Variants in PRDM15 observed in about 807,000 individuals in gnomAD.
PRDM15 encodes the protein PR/SET domain 15.
Under a neutral mutation model 128.6 loss-of-function variants are expected in PRDM15, and 64 were observed. The observed-to-expected ratio is 0.50, with a 90% CI of 0.41 to 0.61. The LOEUF (loss-of-function observed/expected upper bound fraction) is 0.61, where lower values mean the gene tolerates loss of function less well. Ranked by LOEUF, PRDM15 falls within the 20% of genes least tolerant of loss-of-function variation. The probability of loss-of-function intolerance (pLI) is 0.00; values close to 1 mark genes in which losing one functional copy is unlikely to be tolerated. For missense variants in PRDM15, 1,242 were observed against 1,569.1 expected (o/e 0.79, Z 3.52); for synonymous variants, 615 against 621.8 (o/e 0.99, Z 0.16).
rs1413693879 is a variant in PRDM15, at chr21:41,802,886, T to C, written c.2769A>G (p.Glu923=). The C allele has an allele frequency of 6.2e-7, 1 of 1,614,134 alleles. No individual in the cohort carries two copies. Among genetic ancestry groups the C allele is most frequent in the African/African-American group, 1.3e-5 (1 of 75,062 alleles). ...GCTTGGCAGCTTTCCCGTGCTTCCCTTCGGCCAAATCCTCCTGCTCCAGAG... is the reference window on the plus strand; with the variant it reads ...GCTTGGCAGCTTTCCCGTGCTTCCCCTCGGCCAAATCCTCCTGCTCCAGAG... ...ELTLEQEDLA[E]GKHGKAAKRS... Residue 923 remains glutamate (E), a synonymous_variant, in exon 23 of 24, where the codon GAA becomes GAG. Coordinates refer to ENST00000398548, the MANE Select transcript of PRDM15 (RefSeq NM_001040424.3).
intron 5 of PRDM15, among the ~76,000 whole-genome samples, chr21:41,852,995 C>T (rs1358201589): frequency 1.3e-5 from 2 of 152,228 alleles, no homozygotes; most frequent in Non-Finnish European, 2.9e-5. Context: ...CCAAGGGACA[C>T]AAAAGGCTAC....
chr21:41,815,570 C>G, intron 19 of PRDM15, 135 bp downstream of exon 19: 1 of 1,251,584 alleles, frequency 8.0e-7, no homozygotes, highest in Non-Finnish European at 1.1e-6. Context: ...CCAGGAAGCT[C>G]TCTTGGGGAA....
In PRDM15 at chr21:41,854,469, A is replaced by T; in HGVS notation, c.538+97T>A. ...CCCAGCAGCTGGCCCAGCCCAACCCATCTCATCAGTGTGGGGTCAGCACAG... is the reference window on the plus strand; with the variant it reads ...CCCAGCAGCTGGCCCAGCCCAACCCTTCTCATCAGTGTGGGGTCAGCACAG... On this transcript the variant is annotated intron_variant, in intron 5 of 23. Coordinates refer to ENST00000398548, the MANE Select transcript of PRDM15 (RefSeq NM_001040424.3). This position sits in a 1 kb window ranked among gnomAD's most constrained non-coding sequence, Gnocchi z 4.6. 6.8e-7 allele frequency: 1 copy of T among 1,473,466 alleles called. No homozygotes were observed. The highest frequency in any genetic ancestry group is 9.2e-7 in the Non-Finnish European group (1 of 1,091,818). 91.3% of individuals were successfully genotyped at this position (1,473,466 alleles called of 1,614,324 possible). A position where few individuals can be genotyped will look rare whatever the true frequency, so the allele number is the denominator to read the frequency against.
At chr21:41,844,180 C>T (rs2063158537) in intron 6 of PRDM15, among the ~76,000 whole-genome samples, 1 of 152,032 alleles carries the variant, frequency 6.6e-6, no homozygotes, top group Non-Finnish European at 1.5e-5. Flanking sequence ...CACCGTTTGC[C>T]TCATTAGAAC....
chr21:41,835,709 G>A (rs2062851160), intron 10 of PRDM15, among the ~76,000 whole-genome samples, 185 bp from the exon 11 acceptor site: 1 of 152,124 alleles, frequency 6.6e-6, no homozygotes, highest in Admixed American at 6.5e-5. Flanking sequence ...CCTAGAAAGG[G>A]AACTCCACAC....
At chr21:41,834,522 C>T (rs1013501842) in intron 11 of PRDM15, 57 of 1,550,268 alleles carry the variant, frequency 3.7e-5, no homozygotes, top group Middle Eastern at 1.7e-4. Flanking sequence ...GTCTCTAAGC[C>T]GACTGCCGCC....
intron 9 of PRDM15, 81 bp downstream of exon 9, chr21:41,836,387 G>T: frequency 6.9e-7 from 1 of 1,447,754 alleles, no homozygotes; most frequent in Non-Finnish European, 9.5e-7. Context: ...ACCCAAGGAG[G>T]GGAGACTCCG....
chr21:41,833,387 C>A (rs1173079354), intron 11 of PRDM15, among the ~76,000 whole-genome samples: 1 of 152,212 alleles, frequency 6.6e-6, no homozygotes, highest in East Asian at 1.9e-4. Context: ...GCAACAGTGA[C>A]CCATCCCTCT....
At chr21:41,872,840 T>C (rs145298857) in intron 1 of PRDM15, among the ~76,000 whole-genome samples, 1 of 152,154 alleles carries the variant, frequency 6.6e-6, no homozygotes, top group Non-Finnish European at 1.5e-5. Context: ...AGAAATAAGA[T>C]GAGAAAGAAA....
chr21:41,838,146 T>C, intron 7 of PRDM15, 83 bp from the exon 8 acceptor site: 2 of 1,471,690 alleles, frequency 1.4e-6, no homozygotes, highest in Middle Eastern at 3.5e-4. Context: ...CACTGCCCCA[T>C]GGGAACCACA....
chr21:41,835,353 TGGCCTAA>T (rs1371624095), intron 11 of PRDM15, 77 bp downstream of exon 11: 2 of 1,080,658 alleles, frequency 1.9e-6, no homozygotes, highest in Non-Finnish European at 2.8e-6. Flanking sequence ...ATCTTTACTT[TGGCCTAA>T]AGTTCCACGG....
chr21:41,855,573 T>C (rs547732401), intron 4 of PRDM15, among the ~76,000 whole-genome samples: 122 of 152,274 alleles, frequency 8.0e-4, no homozygotes, highest in South Asian at 2.5e-3. Flanking sequence ...AGGCACCTAA[T>C]GACCACCAGC....
At chr21:41,820,936 C>T (rs1175892043) in intron 16 of PRDM15, 131 bp downstream of exon 16, 1 of 1,214,652 alleles carries the variant, frequency 8.2e-7, no homozygotes, top group Non-Finnish European at 1.2e-6. Context: ...GCGCCCCCAG[C>T]TCTGGCCCTG....
In PRDM15 at chr21:41,854,600, C is replaced by T. The variant is rs964033451; in HGVS notation, c.504G>A (p.Lys168=). The change falls in exon 5 of 24, where the codon AAG becomes AAA. Residue 168 remains lysine (K), a synonymous_variant. Transcript: ENST00000398548. The surrounding 1 kb of genome is among the most constrained non-coding windows in gnomAD (Gnocchi z 4.6). ...CAGAGCCGGCCTGCTTCAGCATGGG[C>T]TTGTCCATCTTCTTGGCATAGAAGG... is the stretch of plus-strand genomic sequence containing the variant. ...YAAFYAKKMD[K]PMLKQAGSGV... 1.9e-6 allele frequency: 3 copies of T among 1,613,530 alleles called. No homozygotes were observed. Among genetic ancestry groups the T allele is most frequent in the Non-Finnish European group, 2.5e-6 (3 of 1,179,982 alleles).
In PRDM15 at chr21:41,860,614, G is replaced by T. The variant is rs2063781719; in HGVS notation, c.-9-242C>A. ...ATTTTTGTATTTTTAGCAGAGACGG[G>T]GTTTCACCATGTTGGCCAGGCTGGT... On this transcript the variant is annotated intron_variant, in intron 1 of 23. Transcript: ENST00000398548. Among the ~76,000 whole-genome samples the T allele has an allele frequency of 2.0e-5, 3 of 152,056 alleles. No homozygotes were observed. In the South Asian group the frequency reaches 6.2e-4, roughly 32 times the overall value.
At chr21:41,845,564 C>G (rs866524614) in intron 6 of PRDM15, among the ~76,000 whole-genome samples, 2 of 151,822 alleles carry the variant, frequency 1.3e-5, no homozygotes, top group African/African-American at 2.4e-5. Context: ...GCCCTCAAGG[C>G]TGCCGTGCTG....
At chr21:41,833,272 T>C (rs536609403) in intron 11 of PRDM15, among the ~76,000 whole-genome samples, 4 of 152,222 alleles carry the variant, frequency 2.6e-5, no homozygotes, top group South Asian at 4.1e-4. Context: ...ACAGGTCCCA[T>C]GGAGGGAGCT....
At chr21:41,838,203 A>G in intron 7 of PRDM15, 140 bp from the exon 8 acceptor site, 1 of 805,068 alleles carries the variant, frequency 1.2e-6, no homozygotes, top group Admixed American at 2.6e-5. Context: ...ACAGAGGGGA[A>G]AAAAAAAACT....
Position 41,863,598 on chromosome 21 carries a change from G to A in PRDM15, c.-9-3226C>T, listed in dbSNP as rs527304115. Among the ~76,000 whole-genome samples, 17 of 152,024 alleles carry A rather than the reference G, an allele frequency of 1.1e-4. No individual in the cohort carries two copies. The South Asian group carries it at 1.9e-3, about 17-fold the overall frequency. ...ATCTGCATCTAACCTGGTGGTAAAC[G>A]GGAAATGGGGGGTGACTTCAGGCAA... is the stretch of plus-strand genomic sequence containing the variant. On this transcript the variant is annotated intron_variant, in intron 1 of 23. Coordinates refer to ENST00000398548, the MANE Select transcript of PRDM15 (RefSeq NM_001040424.3).
Sources: gnomAD v4.1 joint callset for allele counts (sites outside exome capture counted in the v4.1 genomes callset) on GRCh38, gnomAD v4.1.1 for gene constraint, Gnocchi (gnomAD v3.1) non-coding constraint, MANE v1.5 for transcripts, NCBI Gene and HGNC (gene_info 2026-07-23, HGNC 2026-07-21) for gene names.